The following MAP2K5 variants were observed in gnomAD, a reference collection of about 807,000 sequenced individuals.
The protein encoded by MAP2K5 is mitogen-activated protein kinase kinase 5, also known as dual specificity mitogen-activated protein kinase kinase 5.
A neutral mutation model predicts 83.1 loss-of-function variants in MAP2K5; 49 were observed. That is an observed-to-expected ratio of 0.59 (90% CI 0.47 to 0.75). The LOEUF (loss-of-function observed/expected upper bound fraction) is 0.75. Ranked by LOEUF, MAP2K5 falls within the 30% of genes least tolerant of loss-of-function variation. The probability of loss-of-function intolerance (pLI) is 0.00; values close to 1 mark genes in which losing one functional copy is unlikely to be tolerated. For synonymous variants in MAP2K5, 202 were observed against 191.8 expected (o/e 1.05, Z -0.44); for missense variants, 457 against 557.5 (o/e 0.82, Z 1.82).
chr15:67,767,122 G>C (rs2090055149), intron 19 of MAP2K5, among the ~76,000 whole-genome samples: 2 of 152,132 alleles, frequency 1.3e-5, no homozygotes, highest in African/African-American at 2.4e-5. Flanking sequence ...ACCACCCAGT[G>C]TTCCTTAGTC....
rs536823624 is a variant in MAP2K5 at position 67,587,433 on chromosome 15, A to G, written c.431+520A>G. On this transcript the variant is annotated intron_variant, in intron 6 of 21. Coordinates refer to ENST00000178640, the MANE Select transcript of MAP2K5 (RefSeq NM_145160.3). This position sits in a 1 kb window ranked among gnomAD's most constrained non-coding sequence, Gnocchi z 4.8. ...ATGGCCAGCCCTGTGTTTTTAAAAG[A>G]TCCTCTGCCTGTGGTGTGGCGAATG... Among the ~76,000 whole-genome samples the G allele has an allele frequency of 2.3e-4, 35 of 152,256 alleles. No homozygotes were observed. The South Asian group carries it at 7.2e-3, about 32-fold the overall frequency.
At position 67,572,268 on chromosome 15, in the gene MAP2K5, G is replaced by A. The variant is rs2084962933; in HGVS notation, c.253-8486G>A. ...TGACGGGGGAGAGGGTGGGAGATGG[G>A]GCTTGGAGGAAGGTGGGTTAGACCA... On this transcript the variant is annotated intron_variant, in intron 3 of 21. Coordinates refer to ENST00000178640, the MANE Select transcript of MAP2K5 (RefSeq NM_145160.3). The surrounding 1 kb of genome is among the most constrained non-coding windows in gnomAD (Gnocchi z 4.2). Among the ~76,000 whole-genome samples the A allele has an allele frequency of 6.6e-6, 1 of 152,166 alleles. No homozygotes were observed. Among genetic ancestry groups the A allele is most frequent in the Non-Finnish European group, 1.5e-5 (1 of 68,038 alleles).
chr15:67,762,565 C>CAAAAA (rs5813455), intron 19 of MAP2K5, among the ~76,000 whole-genome samples: 3 of 119,910 alleles, frequency 2.5e-5, no homozygotes, highest in Admixed American at 1.8e-4. Flanking sequence ...AAATGACAGA[C>CAAAAA]AAAAAAAAAA....
intron 21 of MAP2K5, among the ~76,000 whole-genome samples, chr15:67,803,462 G>A (rs1326179521): frequency 4.6e-5 from 7 of 152,186 alleles, no homozygotes; most frequent in African/African-American, 1.4e-4. Context: ...GGTTAAGGGC[G>A]TCAGTTACAG....
intron 3 of MAP2K5, among the ~76,000 whole-genome samples, chr15:67,568,466 A>T (rs2084885977): frequency 6.6e-6 from 1 of 152,158 alleles, no homozygotes; most frequent in African/African-American, 2.4e-5. Context: ...TCATTTTACA[A>T]ATAAGGACAT....
In MAP2K5 at chr15:67,623,019, G is replaced by A. The variant is rs866624076; in HGVS notation, c.546-7869G>A. On this transcript the variant is annotated intron_variant, in intron 8 of 21. Coordinates refer to ENST00000178640, the MANE Select transcript of MAP2K5 (RefSeq NM_145160.3). ...CGGGAGGCTGAGGTGGGAGTATGGC[G>A]TGAACCCGGGATTTGGAGCTTGCAG... 5.3e-5 allele frequency among the ~76,000 whole-genome samples: 8 copies of A among 152,122 alleles called. 1 individual carries two copies. The South Asian group carries it at 1.5e-3, about 28-fold the overall frequency.
chr15:67,674,764 C>T (rs971595707), intron 13 of MAP2K5, among the ~76,000 whole-genome samples: 1 of 152,020 alleles, frequency 6.6e-6, no homozygotes, highest in Non-Finnish European at 1.5e-5. Context: ...GGTAGAAAAA[C>T]AAACAATCCA....
chr15:67,592,748 A>G (rs62015159), intron 6 of MAP2K5, among the ~76,000 whole-genome samples, 178 bp from the exon 7 acceptor site: 2,396 of 152,212 alleles, frequency 0.016, 39 homozygotes, highest in African/African-American at 0.034. Flanking sequence ...TAGTCTCTTT[A>G]TTTGATACCT....
intron 21 of MAP2K5, among the ~76,000 whole-genome samples, chr15:67,795,400 G>C (rs777561511): frequency 1.3e-5 from 2 of 152,160 alleles, no homozygotes; most frequent in Non-Finnish European, 2.9e-5. Context: ...TGCTTTAGCT[G>C]CATCCAACAA....
At chr15:67,683,955 A>G (rs2087885470) in intron 13 of MAP2K5, among the ~76,000 whole-genome samples, 1 of 152,194 alleles carries the variant, frequency 6.6e-6, no homozygotes, top group Admixed American at 6.5e-5. Context: ...AGTAAGTCCT[A>G]CTATCACCCA....
intron 9 of MAP2K5, among the ~76,000 whole-genome samples, chr15:67,634,207 A>G (rs1372722138): frequency 6.6e-6 from 1 of 151,576 alleles, no homozygotes; most frequent in Non-Finnish European, 1.5e-5. Flanking sequence ...AAAAATAAAA[A>G]ATAAAAAATA....
chr15:67,772,795 ATTTATG>A (rs753523276), intron 21 of MAP2K5, 43 bp downstream of exon 21: 1 of 1,491,138 alleles, frequency 6.7e-7, no homozygotes, highest in Admixed American at 1.9e-5. Flanking sequence ...TCAGTTATAT[ATTTATG>A]TTTAACATTC....
At chr15:67,622,433 T>C (rs1411204789) in intron 8 of MAP2K5, among the ~76,000 whole-genome samples, 3 of 152,140 alleles carry the variant, frequency 2.0e-5, no homozygotes, top group African/African-American at 7.2e-5. Context: ...TTATAAAGAC[T>C]TTTAATTCAG....
At chr15:67,693,438 G>A in intron 14 of MAP2K5, 80 bp from the exon 15 acceptor site, 1 of 1,068,768 alleles carries the variant, frequency 9.4e-7, no homozygotes, top group Non-Finnish European at 1.4e-6. Flanking sequence ...AATGATGATT[G>A]TAGGTTAAAT....
chr15:67,574,383 C>A (rs1040455635), intron 3 of MAP2K5, among the ~76,000 whole-genome samples: 2 of 151,204 alleles, frequency 1.3e-5, no homozygotes, highest in African/African-American at 2.4e-5. Flanking sequence ...ACCAGCTTGG[C>A]CAACATGGTG....
intron 16 of MAP2K5, among the ~76,000 whole-genome samples, chr15:67,718,811 T>C (rs2141236989): frequency 6.6e-6 from 1 of 152,186 alleles, no homozygotes; most frequent in East Asian, 1.9e-4. Context: ...GTGTATGGGG[T>C]ACATGAGATA....
intron 8 of MAP2K5, among the ~76,000 whole-genome samples, chr15:67,605,516 T>G (rs922120835): frequency 6.6e-6 from 1 of 152,222 alleles, no homozygotes; most frequent in Admixed American, 6.5e-5. Flanking sequence ...TTAAATACAA[T>G]GATTTTTTAA....
chr15:67,621,506 G>T (rs1306073675), intron 8 of MAP2K5, among the ~76,000 whole-genome samples: 1 of 149,826 alleles, frequency 6.7e-6, no homozygotes, highest in Non-Finnish European at 1.5e-5. Flanking sequence ...CCAAAAGCTG[G>T]TTCTTTGGAA....
Position 67,573,024 on chromosome 15 carries a change from G to A in MAP2K5, c.253-7730G>A, listed in dbSNP as rs1256053375. On this transcript the variant is annotated intron_variant, in intron 3 of 21. Transcript: ENST00000178640. The surrounding 1 kb of genome is among the most constrained non-coding windows in gnomAD (Gnocchi z 4.2). ...TATTATTTTGTTTAAAGCAAAATTA[G>A]GAATGCTTCTGTTTTCAAGATATTA... is the stretch of plus-strand genomic sequence containing the variant. Among the ~76,000 whole-genome samples the A allele has an allele frequency of 1.3e-5, 2 of 152,266 alleles. No homozygotes were observed. Among genetic ancestry groups the A allele is most frequent in the Non-Finnish European group, 2.9e-5 (2 of 68,008 alleles).
Sources: gnomAD v4.1 joint callset for allele counts (sites outside exome capture counted in the v4.1 genomes callset) on GRCh38, gnomAD v4.1.1 for gene constraint, Gnocchi (gnomAD v3.1) non-coding constraint, MANE v1.5 for transcripts, NCBI Gene and HGNC (gene_info 2026-07-23, HGNC 2026-07-21) for gene names.